The following SGCZ variants were observed in gnomAD, a reference collection of about 807,000 sequenced individuals.
The protein encoded by SGCZ is sarcoglycan zeta.
Under a neutral mutation model 41.3 loss-of-function variants are expected in SGCZ, and 40 were observed. The observed-to-expected ratio is 0.97, with a 90% CI of 0.75 to 1.26. The LOEUF (loss-of-function observed/expected upper bound fraction) is 1.26. SGCZ is among the 50% of genes most tolerant of loss of function. The probability of loss-of-function intolerance (pLI) is 0.00; values close to 1 mark genes in which losing one functional copy is unlikely to be tolerated. For missense variants in SGCZ, 552 were observed against 369.8 expected (o/e 1.49, Z -4.04); for synonymous variants, 206 against 137.5 (o/e 1.50, Z -3.49).
intron 1 of SGCZ, among the ~76,000 whole-genome samples, chr8:14,974,884 A>G (rs1425591373): frequency 6.6e-6 from 1 of 151,622 alleles, no homozygotes; most frequent in Non-Finnish European, 1.5e-5. Flanking sequence ...AAAAAAAAGG[A>G]AATACAGCAC....
At chr8:14,649,490 A>AG (rs1470366379) in intron 1 of SGCZ, among the ~76,000 whole-genome samples, 1 of 151,482 alleles carries the variant, frequency 6.6e-6, no homozygotes. Flanking sequence ...TAAAAGAGAC[A>AG]GATGGCAAAG....
intron 4 of SGCZ, among the ~76,000 whole-genome samples, chr8:14,223,190 A>G (rs1806263446): frequency 6.6e-6 from 1 of 152,058 alleles, no homozygotes; most frequent in Non-Finnish European, 1.5e-5. Flanking sequence ...TTTTACCCTT[A>G]CTGTATTGTT....
chr8:14,712,903 G>T (rs565172529), intron 1 of SGCZ, among the ~76,000 whole-genome samples: 1 of 152,018 alleles, frequency 6.6e-6, no homozygotes, highest in East Asian at 1.9e-4. Flanking sequence ...ATGTGACCTG[G>T]TTTTTAAACA....
intron 1 of SGCZ, among the ~76,000 whole-genome samples, chr8:14,820,035 T>G (rs1003315793): frequency 3.3e-5 from 5 of 151,984 alleles, no homozygotes; most frequent in Non-Finnish European, 7.4e-5. Context: ...ACCTTGAATA[T>G]AAATGAATTA....
intron 1 of SGCZ, among the ~76,000 whole-genome samples, chr8:14,702,317 C>T (rs1277603048): frequency 2.6e-5 from 4 of 151,896 alleles, no homozygotes; most frequent in East Asian, 1.9e-4. Flanking sequence ...TTTCTTGCGC[C>T]GACATTTATT....
intron 1 of SGCZ, among the ~76,000 whole-genome samples, chr8:14,595,264 T>C (rs1805371039): frequency 6.6e-6 from 1 of 152,184 alleles, no homozygotes; most frequent in Non-Finnish European, 1.5e-5. Context: ...AAAATAACAG[T>C]ATTTTTTTGG....
At chr8:14,567,960 C>T (rs531098294) in intron 1 of SGCZ, among the ~76,000 whole-genome samples, 14 of 152,298 alleles carry the variant, frequency 9.2e-5, no homozygotes, top group Admixed American at 2.6e-4. Flanking sequence ...AGAACTATAA[C>T]GCTCACCGCG....
chr8:14,862,109 TA>T (rs1220022372), intron 1 of SGCZ, among the ~76,000 whole-genome samples: 1 of 152,120 alleles, frequency 6.6e-6, no homozygotes, highest in African/African-American at 2.4e-5. Flanking sequence ...GTGACGACAT[TA>T]AGTCATTCCC....
chr8:14,666,040 C>G (rs1807900108), intron 1 of SGCZ, among the ~76,000 whole-genome samples: 1 of 152,170 alleles, frequency 6.6e-6, no homozygotes, highest in African/African-American at 2.4e-5. Context: ...TAAGCTTGCA[C>G]AAGAACCTGA....
intron 2 of SGCZ, among the ~76,000 whole-genome samples, chr8:14,435,745 T>C (rs1800071903): frequency 6.6e-6 from 1 of 152,232 alleles, no homozygotes; most frequent in Admixed American, 6.5e-5. Flanking sequence ...ATTAATGAAA[T>C]ACACATATGA....
intron 4 of SGCZ, among the ~76,000 whole-genome samples, chr8:14,231,227 GAGAC>G (rs1178155517): frequency 4.0e-5 from 6 of 149,758 alleles, no homozygotes; most frequent in Non-Finnish European, 7.4e-5. Flanking sequence ...AAGAGAGAGA[GAGAC>G]AGAGAGAGAG....
chr8:14,628,368 A>G (rs1047033894), intron 1 of SGCZ, among the ~76,000 whole-genome samples: 3 of 152,062 alleles, frequency 2.0e-5, no homozygotes, highest in Non-Finnish European at 4.4e-5. Flanking sequence ...ATCGGATTAG[A>G]GCACTGTGTT....
intron 1 of SGCZ, among the ~76,000 whole-genome samples, chr8:14,886,331 T>C (rs1804803866): frequency 6.6e-6 from 1 of 151,820 alleles, no homozygotes; most frequent in Non-Finnish European, 1.5e-5. Flanking sequence ...ATCCTAGTTA[T>C]AAAAACAAAA....
chr8:14,275,592 G>A (rs971669680), intron 3 of SGCZ, among the ~76,000 whole-genome samples: 1 of 152,120 alleles, frequency 6.6e-6, no homozygotes, highest in Non-Finnish European at 1.5e-5. Context: ...AGGAAAGGGA[G>A]TATTCTTACC....
chr8:14,989,222 T>C (rs972294866), intron 1 of SGCZ, among the ~76,000 whole-genome samples: 1 of 152,150 alleles, frequency 6.6e-6, no homozygotes, highest in African/African-American at 2.4e-5. Flanking sequence ...TTCAAAATGG[T>C]GTCTGAGAGG....
At chr8:14,173,720 A>G (rs1804458906) in intron 4 of SGCZ, among the ~76,000 whole-genome samples, 1 of 151,636 alleles carries the variant, frequency 6.6e-6, no homozygotes, top group African/African-American at 2.4e-5. Context: ...GCAGGAACAG[A>G]GGATAAAATA....
chr8:14,390,000 T>G (rs1283401248), intron 2 of SGCZ, among the ~76,000 whole-genome samples: 7 of 151,968 alleles, frequency 4.6e-5, no homozygotes, highest in Non-Finnish European at 1.5e-5. Context: ...GGGTTTACAG[T>G]TATTTTCTTC....
At chr8:14,854,589 C>T (rs959313715) in intron 1 of SGCZ, among the ~76,000 whole-genome samples, 7 of 151,986 alleles carry the variant, frequency 4.6e-5, no homozygotes, top group African/African-American at 1.7e-4. Flanking sequence ...TTTCAATAGT[C>T]ATCGTAGATA....
intron 1 of SGCZ, among the ~76,000 whole-genome samples, chr8:15,213,689 C>T (rs1015058226): frequency 9.2e-5 from 14 of 151,674 alleles, no homozygotes; most frequent in African/African-American, 2.9e-4. Flanking sequence ...TTTTCACAGA[C>T]TTAAGGTAGC....
Sources: gnomAD v4.1 joint callset for allele counts (sites outside exome capture counted in the v4.1 genomes callset) on GRCh38, gnomAD v4.1.1 for gene constraint, MANE v1.5 for transcripts, NCBI Gene and HGNC (gene_info 2026-07-23, HGNC 2026-07-21) for gene names.